Variants in CCNY observed in about 807,000 individuals in gnomAD.
CCNY encodes the protein cyclin-Y.
A neutral mutation model predicts 42.8 loss-of-function variants in CCNY; 19 were observed. The ratio of observed to expected loss-of-function variants is 0.44; its 90% confidence interval spans 0.31 to 0.65. The LOEUF is 0.65. CCNY is among the 30% of genes least tolerant of loss of function. The pLI, the probability that CCNY is intolerant of heterozygous loss-of-function variation, is 0.07. For missense variants in CCNY, 370 were observed against 437.3 expected, an observed-to-expected ratio of 0.85 and a Z score of 1.37; for synonymous variants, 165 against 162.7, an observed-to-expected ratio of 1.01 and a Z score of -0.11.
At chr10:35,423,221 T>C (rs1239236925) in intron 1 of CCNY, among the ~76,000 whole-genome samples, 4 of 152,126 alleles carry the variant, frequency 2.6e-5, no homozygotes, top group African/African-American at 9.7e-5. Context: ...ACACCTGTAA[T>C]GTCAACACTT....
In CCNY at chr10:35,452,872, A is replaced by G. The variant is rs1564416654; in HGVS notation, c.155-30532A>G. On this transcript the variant is annotated intron_variant, in intron 1 of 9. Transcript: ENST00000374704. Reference sequence around the variant, plus strand: ...TGTCTCATTTCTTCTGTTTTTTAAAAGCTGGGTTTGTCTAAAACCACTGTC... The same window carrying G: ...TGTCTCATTTCTTCTGTTTTTTAAAGGCTGGGTTTGTCTAAAACCACTGTC... 4.6e-5 allele frequency among the ~76,000 whole-genome samples: 7 copies of G among 152,256 alleles called. No homozygotes were observed. In the South Asian group the frequency reaches 1.4e-3, roughly 32 times the overall value.
chr10:35,457,592 T>C (rs947225302), intron 1 of CCNY, among the ~76,000 whole-genome samples: 2 of 152,158 alleles, frequency 1.3e-5, no homozygotes, highest in Non-Finnish European at 2.9e-5. Flanking sequence ...TGTATTTTTT[T>C]TTTTTTGAGA....
chr10:35,307,798 GTGTA>G (rs1161820142), intron 3 of CCNY, among the ~76,000 whole-genome samples: 5,822 of 51,590 alleles, frequency 0.11, 306 homozygotes, highest in South Asian at 0.16. Flanking sequence ...GTGTGTGTGT[GTGTA>G]TATATATATA....
At chr10:35,514,812 T>C (rs762597057) in intron 3 of CCNY, among the ~76,000 whole-genome samples, 56 of 152,164 alleles carry the variant, frequency 3.7e-4, no homozygotes, top group Non-Finnish European at 7.1e-4. Flanking sequence ...CAGAAAAAAT[T>C]TAATTAATTA....
intron 3 of CCNY, among the ~76,000 whole-genome samples, chr10:35,507,230 G>A (rs912587760): frequency 3.3e-5 from 5 of 152,092 alleles, no homozygotes. Context: ...CCTTAGCCTT[G>A]TGTTATAATC....
chr10:35,372,477 G>A (rs764390119), intron 1 of CCNY, among the ~76,000 whole-genome samples: 8 of 152,148 alleles, frequency 5.3e-5, no homozygotes, highest in Non-Finnish European at 1.0e-4. Context: ...ATGAAGTGTG[G>A]CTCAGCCAGC....
intron 3 of CCNY, among the ~76,000 whole-genome samples, chr10:35,275,930 C>T (rs1835234471): frequency 6.6e-6 from 1 of 152,228 alleles, no homozygotes; most frequent in Non-Finnish European, 1.5e-5. Context: ...CCAGGTTTCA[C>T]TGTCAATCCA....
In CCNY at chr10:35,251,623, C is replaced by G. The variant is rs370555181; in HGVS notation, c.-9+997C>G. On this transcript the variant is annotated intron_variant, in intron 3 of 11. Coordinates refer to the CCNY transcript ENST00000374706. ...TTTTTTTTTGAGACGGGATCTCGCTCTGTCATGCAGGCTGGAAGACAGTGG... is the reference window on the plus strand; with the variant it reads ...TTTTTTTTTGAGACGGGATCTCGCTGTGTCATGCAGGCTGGAAGACAGTGG... Among the ~76,000 whole-genome samples the G allele has an allele frequency of 6.4e-4, 95 of 148,728 alleles. 2 individuals are homozygous for G. The South Asian group carries it at 0.02, about 31-fold the overall frequency.
intron 2 of CCNY, among the ~76,000 whole-genome samples, chr10:35,249,660 T>C (rs572293462): frequency 6.6e-6 from 1 of 152,216 alleles, no homozygotes; most frequent in African/African-American, 2.4e-5. Context: ...ATGAAGAGAA[T>C]AGCAAGATAG....
rs1411737417 is a variant in CCNY, at chr10:35,572,594, T to C, written c.*3424T>C. The stretch of plus-strand genomic sequence containing the variant: ...TGCCCCTGGCCCAGATTTGAAATTT[T>C]TTAAAAATAAAACATGATTCTTGGT... On this transcript the variant is annotated 3_prime_UTR_variant, in exon 10 of 10. Transcript: ENST00000374704. 6.6e-6 allele frequency: 1 copy of C among 152,218 alleles called. No homozygotes were observed. Among genetic ancestry groups the C allele is most frequent in the African/African-American group, 2.4e-5 (1 of 41,456 alleles). 9.4% of individuals were successfully genotyped at this position (152,218 alleles called of 1,614,324 possible). A position where few individuals can be genotyped will look rare whatever the true frequency, so the allele number is the denominator to read the frequency against.
At chr10:35,404,000 T>C (rs1837702246) in intron 1 of CCNY, among the ~76,000 whole-genome samples, 1 of 152,148 alleles carries the variant, frequency 6.6e-6, no homozygotes, top group Non-Finnish European at 1.5e-5. Flanking sequence ...TCCGGAATAA[T>C]GTGGGAGGCC....
intron 1 of CCNY, among the ~76,000 whole-genome samples, chr10:35,409,451 A>G (rs1323990591): frequency 6.6e-6 from 1 of 152,190 alleles, no homozygotes; most frequent in East Asian, 1.9e-4. Flanking sequence ...CAATACTTCA[A>G]GAAGTGTGAG....
intron 1 of CCNY, among the ~76,000 whole-genome samples, chr10:35,380,680 C>T (rs1436782938): frequency 1.3e-5 from 2 of 152,174 alleles, no homozygotes; most frequent in Admixed American, 6.5e-5. Context: ...AATATATTTC[C>T]TCTCTTGAAG....
intron 1 of CCNY, among the ~76,000 whole-genome samples, chr10:35,361,361 G>A (rs1006606117): frequency 1.6e-4 from 24 of 152,196 alleles, no homozygotes; most frequent in Middle Eastern, 3.4e-3. Flanking sequence ...ATTACCACAG[G>A]TAATACAAGG....
At chr10:35,395,875 C>G (rs1006619620) in intron 1 of CCNY, among the ~76,000 whole-genome samples, 9 of 152,096 alleles carry the variant, frequency 5.9e-5, no homozygotes, top group Non-Finnish European at 1.3e-4. Flanking sequence ...TCCAGTGGCT[C>G]CTGGGGATGG....
At position 35,522,543 on chromosome 10, in the gene CCNY, TATGTGACCCCACCCAAGATAG is replaced by T. The variant is rs1274873037; in HGVS notation, c.366-3418_366-3398del. Among the ~76,000 whole-genome samples, 220 of 152,158 alleles carry T rather than the reference TATGTGACCCCACCCAAGATAG, an allele frequency of 1.4e-3. 1 individual carries two copies. The highest frequency in any genetic ancestry group is 5.0e-3 in the African/African-American group (208 of 41,486). On this transcript the variant is annotated intron_variant, in intron 4 of 9. Coordinates refer to ENST00000374704, the MANE Select transcript of CCNY (RefSeq NM_145012.6). ...CAGGGGGAGGCCAAATGAGAGTCAGTATGTGACCCCACCCAAGATAGATTGTATAGATACACGTCTCCCAGG... is the reference window on the plus strand; with the variant it reads ...CAGGGGGAGGCCAAATGAGAGTCAGTATTGTATAGATACACGTCTCCCAGG...
intron 1 of CCNY, among the ~76,000 whole-genome samples, chr10:35,344,221 T>C (rs912147637): frequency 3.3e-5 from 5 of 152,106 alleles, no homozygotes; most frequent in Admixed American, 6.5e-5. Flanking sequence ...GAGAAGGCTC[T>C]TCTCAGGGGA....
intron 1 of CCNY, among the ~76,000 whole-genome samples, chr10:35,445,107 G>A (rs757710441): frequency 2.6e-5 from 4 of 152,240 alleles, no homozygotes; most frequent in Non-Finnish European, 5.9e-5. Context: ...AAATGGAACT[G>A]CTTGTGGGTG....
At chr10:35,295,391 C>T (rs1738473456) in intron 3 of CCNY, among the ~76,000 whole-genome samples, 1 of 151,842 alleles carries the variant, frequency 6.6e-6, no homozygotes, top group Non-Finnish European at 1.5e-5. Context: ...GCCACCACGC[C>T]TGGCTAATTT....
Sources: allele counts gnomAD v4.1 joint callset (sites outside exome capture counted in the v4.1 genomes callset), GRCh38; gene constraint gnomAD v4.1.1; transcripts MANE v1.5; gene names NCBI Gene and HGNC (gene_info 2026-07-23, HGNC 2026-07-21).